Variants in DCDC1 observed in about 807,000 individuals in gnomAD.
DCDC1 encodes doublecortin domain containing 1, also known as doublecortin domain-containing protein 1.
A neutral mutation model predicts 178.3 loss-of-function variants in DCDC1; 200 were observed. That is an observed-to-expected ratio of 1.12 (90% CI 1.00 to 1.26). The LOEUF is 1.26. Ranked by LOEUF, DCDC1 falls within the 50% of genes most tolerant of loss-of-function variation. The pLI is 0.00. For missense variants in DCDC1, 1,983 were observed against 1,749.2 expected, an observed-to-expected ratio of 1.13 and a Z score of -2.38; for synonymous variants, 690 against 604.8, an observed-to-expected ratio of 1.14 and a Z score of -2.07.
chr11:30,965,586 G>T, intron 20 of DCDC1, among the ~76,000 whole-genome samples: 1 of 133,004 alleles, frequency 7.5e-6, no homozygotes, highest in East Asian at 2.1e-4. Flanking sequence ...TTTTTTGTTT[G>T]TTTGTTTTGT....
intron 5 of DCDC1, among the ~76,000 whole-genome samples, chr11:31,306,003 ACT>A (rs1023473676): frequency 2.6e-5 from 4 of 152,040 alleles, no homozygotes; most frequent in African/African-American, 7.2e-5. Context: ...CATTTTAATA[ACT>A]CTACAAGGTA....
At chr11:31,336,948 G>A (rs1333275791) in intron 1 of DCDC1, among the ~76,000 whole-genome samples, 1 of 152,190 alleles carries the variant, frequency 6.6e-6, no homozygotes, top group Non-Finnish European at 1.5e-5. Context: ...AGCCAGGACT[G>A]AGGGAAGATT....
At chr11:31,284,166 T>A (rs1233213725) in intron 7 of DCDC1, among the ~76,000 whole-genome samples, 1 of 152,184 alleles carries the variant, frequency 6.6e-6, no homozygotes, top group African/African-American at 2.4e-5. Flanking sequence ...GAATGGCCAG[T>A]CTGATACTAA....
chr11:31,243,616 T>A (rs1261794051), intron 8 of DCDC1, among the ~76,000 whole-genome samples: 3 of 151,704 alleles, frequency 2.0e-5, no homozygotes, highest in Non-Finnish European at 2.9e-5. Context: ...ATTCTAAGTT[T>A]TTCAAAGTTT....
chr11:31,339,882 C>T (rs1950456321), intron 1 of DCDC1, among the ~76,000 whole-genome samples: 1 of 151,934 alleles, frequency 6.6e-6, no homozygotes, highest in South Asian at 2.1e-4. Context: ...CTAGACTGCA[C>T]CTATCTATAT....
intron 8 of DCDC1, among the ~76,000 whole-genome samples, chr11:31,250,989 G>A (rs1035857481): frequency 6.6e-6 from 1 of 152,066 alleles, no homozygotes; most frequent in South Asian, 2.1e-4. Context: ...TCTTGACCTT[G>A]TGATCCATCC....
Position 30,899,528 on chromosome 11 carries a change from A to C in DCDC1, c.4765+13T>G, listed in dbSNP as rs1049471150. 9.3e-6 allele frequency: 14 copies of C among 1,509,252 alleles called. No homozygotes were observed. The African/African-American group carries it at 2.0e-4, about 21-fold the overall frequency. 93.5% of individuals were successfully genotyped at this position (1,509,252 alleles called of 1,614,324 possible). Reference sequence around the variant, plus strand: ...AATTAAATATGGTTATGCTTGATATAGTTCATACTGACCTTTTAACTGTCT... The same window carrying C: ...AATTAAATATGGTTATGCTTGATATCGTTCATACTGACCTTTTAACTGTCT... On this transcript the variant is annotated intron_variant, in intron 34 of 38. Transcript: ENST00000684477.
chr11:31,329,971 CCA>C (rs895578109), intron 2 of DCDC1, among the ~76,000 whole-genome samples: 1 of 152,168 alleles, frequency 6.6e-6, no homozygotes, highest in African/African-American at 2.4e-5. Context: ...TGAGGAGTCG[CCA>C]CACTGTCCTC....
intron 9 of DCDC1, among the ~76,000 whole-genome samples, chr11:31,198,505 T>C (rs1484678560): frequency 3.3e-5 from 5 of 152,040 alleles, no homozygotes; most frequent in Admixed American, 2.6e-4. Context: ...TATAATATTA[T>C]TATTTGGGGA....
chr11:31,136,875 T>C (rs1196045007), intron 10 of DCDC1, among the ~76,000 whole-genome samples: 1 of 152,182 alleles, frequency 6.6e-6, no homozygotes, highest in East Asian at 1.9e-4. Context: ...AATAATATTG[T>C]TCCTCATTAC....
chr11:30,948,274 ATACC>A (rs1017843635), intron 21 of DCDC1, among the ~76,000 whole-genome samples: 61 of 152,320 alleles, frequency 4.0e-4, no homozygotes, highest in African/African-American at 1.4e-3. Flanking sequence ...AGAGAATAAA[ATACC>A]TAGGAATACA....
intron 1 of DCDC1, among the ~76,000 whole-genome samples, chr11:31,362,901 T>C (rs953940633): frequency 5.3e-5 from 8 of 152,132 alleles, no homozygotes; most frequent in African/African-American, 1.7e-4. Context: ...AACTGAAAGG[T>C]TGCAAGAAGC....
chr11:31,322,973 T>G (rs995994155), intron 3 of DCDC1, among the ~76,000 whole-genome samples: 1 of 152,218 alleles, frequency 6.6e-6, no homozygotes, highest in African/African-American at 2.4e-5. Flanking sequence ...ATTTTTAGTT[T>G]TATTAAACAC....
intron 20 of DCDC1, among the ~76,000 whole-genome samples, chr11:31,032,397 T>C (rs1433806507): frequency 6.6e-6 from 1 of 152,192 alleles, no homozygotes; most frequent in East Asian, 1.9e-4. Context: ...ATGTTTCTGA[T>C]TTAATTTCCT....
chr11:31,293,614 T>G (rs1947388405), intron 6 of DCDC1, among the ~76,000 whole-genome samples: 2 of 152,208 alleles, frequency 1.3e-5, no homozygotes, highest in Admixed American at 6.5e-5. Flanking sequence ...CTCTTTCACA[T>G]GCAGAACTCC....
intron 21 of DCDC1, among the ~76,000 whole-genome samples, chr11:30,939,999 T>TCCAG (rs1259058397): frequency 6.6e-6 from 1 of 152,202 alleles, no homozygotes; most frequent in Non-Finnish European, 1.5e-5. Flanking sequence ...ATTACTTTTG[T>TCCAG]CCAGAAATTT....
chr11:31,346,740 C>T (rs1950837152), intron 1 of DCDC1, among the ~76,000 whole-genome samples: 2 of 151,992 alleles, frequency 1.3e-5, no homozygotes, highest in Admixed American at 1.3e-4. Context: ...TGGAGTTTGC[C>T]TTAAAATACT....
chr11:31,154,177 A>G (rs1425190090), intron 9 of DCDC1, among the ~76,000 whole-genome samples: 1 of 152,194 alleles, frequency 6.6e-6, no homozygotes, highest in East Asian at 1.9e-4. Context: ...CCATGATAGT[A>G]AGTTTCCTGA....
In DCDC1 at chr11:31,328,264, G is replaced by A. The variant is rs1949755079; in HGVS notation, c.17C>T (p.Ala6Val). 1.3e-6 allele frequency: 2 copies of A among 1,564,846 alleles called. No homozygotes were observed. The highest frequency in any genetic ancestry group is 1.2e-5 in the South Asian group (1 of 83,840). Residue 6 changes from alanine to valine, a missense_variant, in exon 3 of 39, where the codon GCA becomes GTA. Ala to Val is a moderately conservative substitution (Grantham distance 64). Transcript: ENST00000684477. MAKTG[A>V]EDHREALSQS... ...AGATAGTGCTTCTCTGTGATCTTCT[G>A]CTCCTGTTTTTGCCATTTTCAGCTA...
Sources: allele counts gnomAD v4.1 joint callset (sites outside exome capture counted in the v4.1 genomes callset), GRCh38; gene constraint gnomAD v4.1.1; transcripts MANE v1.5; gene names NCBI Gene and HGNC (gene_info 2026-07-23, HGNC 2026-07-21).